Variants in TUBGCP5 observed in about 807,000 individuals in gnomAD.
TUBGCP5 encodes gamma-tubulin complex component 5.
In TUBGCP5, 98 loss-of-function variants were observed where a neutral mutation model predicts 134.7. The ratio of observed to expected loss-of-function variants is 0.73; its 90% CI spans 0.62 to 0.86. The LOEUF (loss-of-function observed/expected upper bound fraction) is 0.86. Among genes scored for constraint, TUBGCP5 ranks in the 40% least tolerant of loss-of-function variants. The probability of loss-of-function intolerance (pLI) is 0.00; values close to 1 mark genes in which losing one functional copy is unlikely to be tolerated. For missense variants in TUBGCP5, 1,150 were observed against 1,244.8 expected (o/e 0.92, Z 1.15); for synonymous variants, 456 against 431.4 (o/e 1.06, Z -0.71).
chr15:23,007,736 T>C (rs1032600965), intron 16 of TUBGCP5, among the ~76,000 whole-genome samples: 5 of 152,058 alleles, frequency 3.3e-5, no homozygotes, highest in Non-Finnish European at 7.4e-5. Context: ...GCTGGGAAAA[T>C]GGAGCCAGAC....
In TUBGCP5 at chr15:23,017,939, G is replaced by T. The variant is rs149876873; in HGVS notation, c.1590C>A (p.Asn530Lys). 31 of 1,614,174 alleles carry T rather than the reference G, an allele frequency of 1.9e-5. No individual in the cohort carries two copies. Among genetic ancestry groups the T allele is most frequent in the Middle Eastern group, 1.7e-4 (1 of 6,058 alleles). Residue 530 changes from asparagine to lysine, a missense_variant, in exon 13 of 23, where the codon AAC (asparagine) becomes AAA (lysine). Coordinates refer to ENST00000615383, the MANE Select transcript of TUBGCP5 (RefSeq NM_052903.6). ...GGTCACTGCCGGAACTCGCACTAGC[G>T]TTATCACTCATTTTTTCTTCATTTT... ...KTENEEKMSDNASASSGSDQG... is the reference protein window; with the variant it reads ...KTENEEKMSDKASASSGSDQG...
rs759369635 is a variant in TUBGCP5, at chr15:23,017,766, C to CAAGT, written c.1756+3_1756+6dup. ...CCAAGAGAGACACAGGAAGACGGAA[C>CAAGT]AAGTACCTCTGGCTCCTGCCTGGCA... On this transcript the variant is annotated splice_region_variant and intron_variant, in intron 13 of 22. Coordinates refer to ENST00000615383, the MANE Select transcript of TUBGCP5 (RefSeq NM_052903.6). The CAAGT allele has an allele frequency of 3.1e-6, 5 of 1,611,320 alleles. No homozygotes were observed. In the East Asian group the frequency reaches 1.1e-4, roughly 36 times the overall value.
intron 6 of TUBGCP5, 79 bp from the exon 7 acceptor site, chr15:23,027,385 T>C: frequency 8.8e-7 from 1 of 1,142,610 alleles, no homozygotes. Flanking sequence ...ACAGCTCCAT[T>C]CAAACGTATA....
In TUBGCP5 at chr15:22,989,176, T is replaced by C. The variant is rs2063775078; in HGVS notation, c.*62-5565A>G. On this transcript the variant is annotated intron_variant and NMD_transcript_variant, in intron 23 of 23. Coordinates refer to the TUBGCP5 transcript ENST00000614508. ...ACCCTAATTCCATCTGCAATTTTAA[T>C]TCTCCTCTTGCCATGTAAACTAACA... Among the ~76,000 whole-genome samples the C allele has an allele frequency of 2.0e-5, 3 of 152,190 alleles. No individual in the cohort carries two copies. In the South Asian group the frequency reaches 6.2e-4, roughly 31 times the overall value.
intron 23 of TUBGCP5, among the ~76,000 whole-genome samples, chr15:22,987,284 A>G (rs932499681): frequency 2.0e-5 from 3 of 151,544 alleles, no homozygotes; most frequent in South Asian, 2.1e-4. Flanking sequence ...TGGTGAGCCA[A>G]GATCACTCCA....
chr15:22,996,163 AC>A (rs548038258), downstream of TUBGCP5, among the ~76,000 whole-genome samples: 8 of 152,326 alleles, frequency 5.3e-5, no homozygotes, highest in East Asian at 1.5e-3. Context: ...ATACATGTTA[AC>A]CTTTGTAAGA....
intron 23 of TUBGCP5, among the ~76,000 whole-genome samples, chr15:22,991,013 T>C (rs907592906): frequency 6.6e-6 from 1 of 152,192 alleles, no homozygotes; most frequent in Non-Finnish European, 1.5e-5. Context: ...TTCAAGAGAA[T>C]GAATATCTGT....
At chr15:23,000,349 A>C (rs1397041737) in intron 22 of TUBGCP5, 19 of 1,284,806 alleles carry the variant, frequency 1.5e-5, no homozygotes, top group Non-Finnish European at 1.8e-5. Context: ...AATCTGTTGT[A>C]ATAAATGGTA....
In TUBGCP5 at chr15:23,037,006, C is replaced by A. The variant is rs748417578; in HGVS notation, c.201-1G>T. On this transcript the variant is annotated splice_acceptor_variant, in intron 2 of 22. Transcript: ENST00000615383. LOFTEE classifies it high-confidence loss of function. ...ATGAATGACAAATTTTTCATAAATT[C>A]TAAAATATAAGAAAAGATTATAAAG... is the stretch of plus-strand genomic sequence containing the variant. The A allele has an allele frequency of 2.5e-6, 4 of 1,594,484 alleles. No individual in the cohort carries two copies. The Admixed American group carries it at 7.1e-5, about 28-fold the overall frequency.
chr15:23,001,331 T>C (rs1245190017), intron 21 of TUBGCP5, among the ~76,000 whole-genome samples: 2 of 146,166 alleles, frequency 1.4e-5, no homozygotes, highest in East Asian at 2.0e-4. Flanking sequence ...TTGTGAGCCA[T>C]GGAGCCTGGC....
In TUBGCP5 at chr15:23,039,480, G is replaced by A. The variant is rs770782750; in HGVS notation, c.64C>T (p.Leu22Phe). 2 of 1,529,316 alleles carry A rather than the reference G, an allele frequency of 1.3e-6. No individual in the cohort carries two copies. Among genetic ancestry groups the A allele is most frequent in the Middle Eastern group, 1.7e-4 (1 of 5,800 alleles). The allele number at this position is 1,529,316 out of a possible 1,614,324, so 94.7% of individuals were successfully genotyped here. A position where few individuals can be genotyped will look rare whatever the true frequency, so the allele number is the denominator to read the frequency against. ...TGGAGGCCGGCGACACCCCGGACGA[G>A]CTCCCGCACGTCGCGCTCCTGCTGC... Reference protein sequence around the residue: ...DAQQERDVRELVRGVAGLQDE... With the variant: ...DAQQERDVREFVRGVAGLQDE... Residue 22 changes from leucine (L) to phenylalanine (F), a missense_variant, in exon 1 of 23, where the codon CTC becomes TTC. Leu to Phe is a conservative substitution (Grantham distance 22, BLOSUM62 0). Transcript: ENST00000615383.
chr15:23,018,077 C>T (rs1280930582), intron 12 of TUBGCP5, 36 bp from the exon 13 acceptor site: 2 of 1,557,868 alleles, frequency 1.3e-6, no homozygotes, highest in South Asian at 2.4e-5. Context: ...ACTCTTATTT[C>T]TCTTTCTTAA....
chr15:23,023,946 C>T lies in TUBGCP5; in HGVS notation c.1168+1G>A. On this transcript the variant is annotated splice_donor_variant, in intron 10 of 22. Coordinates refer to ENST00000615383, the MANE Select transcript of TUBGCP5 (RefSeq NM_052903.6). LOFTEE classifies it high-confidence loss of function. Reference sequence around the variant, plus strand: ...GAGTAAAGATGAAGAACATTTAATACCATTATTGATGATGCACTTCTCAAT... The same window carrying T: ...GAGTAAAGATGAAGAACATTTAATATCATTATTGATGATGCACTTCTCAAT... 1 of 1,613,514 alleles carries T rather than the reference C, an allele frequency of 6.2e-7. No homozygotes were observed. The highest frequency in any genetic ancestry group is 8.5e-7 in the Non-Finnish European group (1 of 1,179,776).
intron 6 of TUBGCP5, among the ~76,000 whole-genome samples, chr15:23,028,775 C>T (rs544272723): frequency 6.6e-6 from 1 of 152,088 alleles, no homozygotes; most frequent in East Asian, 1.9e-4. Context: ...GCTTCTGCTA[C>T]GGACTAGAGG....
chr15:23,010,165 T>C, intron 14 of TUBGCP5, 32 bp from the exon 15 acceptor site: 1 of 1,595,022 alleles, frequency 6.3e-7, no homozygotes, highest in African/African-American at 1.3e-5. Flanking sequence ...CTTCTTTTTA[T>C]GAGCTGCTGT....
At chr15:23,036,272 G>C (rs2066586592) in intron 3 of TUBGCP5, among the ~76,000 whole-genome samples, 1 of 152,072 alleles carries the variant, frequency 6.6e-6, no homozygotes, top group Non-Finnish European at 1.5e-5. Flanking sequence ...GGGAGTGGAG[G>C]GTAATACTTT....
rs1252092829 is a variant in TUBGCP5 at position 23,032,729 on chromosome 15, C to T, written c.405G>A (p.Val135=). The part of the protein sequence containing the change: ...SYVETPRNKE[V]EKKDDFDWGK... ...ATGTTAAGGAATCTAGTAACATACCCACTTCTTTATTTCTTGGTGTCTCCA... is the reference window on the plus strand; with the variant it reads ...ATGTTAAGGAATCTAGTAACATACCTACTTCTTTATTTCTTGGTGTCTCCA... Residue 135 remains valine (V), a splice_region_variant and synonymous_variant, in exon 4 of 23, where the codon GTG becomes GTA. Coordinates refer to ENST00000615383, the MANE Select transcript of TUBGCP5 (RefSeq NM_052903.6). 6.4e-7 allele frequency: 1 copy of T among 1,566,160 alleles called. No individual in the cohort carries two copies.
At chr15:23,036,709 CTCTT>C (rs1174285968) in intron 3 of TUBGCP5, among the ~76,000 whole-genome samples, 184 bp downstream of exon 3, 1 of 152,096 alleles carries the variant, frequency 6.6e-6, no homozygotes, top group Non-Finnish European at 1.5e-5. Flanking sequence ...TAAAAACAAG[CTCTT>C]TCTTTCATCA....
chr15:23,002,616 G>A (rs1256869560), intron 21 of TUBGCP5, among the ~76,000 whole-genome samples: 1 of 152,136 alleles, frequency 6.6e-6, no homozygotes, highest in Non-Finnish European at 1.5e-5. Flanking sequence ...CTAGCATGAT[G>A]TCCAGAATTT....
Sources: gnomAD v4.1 joint callset for allele counts (sites outside exome capture counted in the v4.1 genomes callset) on GRCh38, gnomAD v4.1.1 for gene constraint, MANE v1.5 for transcripts, NCBI Gene and HGNC (gene_info 2026-07-23, HGNC 2026-07-21) for gene names.